Variants in CD207 observed in about 807,000 individuals in gnomAD.
CD207 encodes C-type lectin domain family 4 member K.
Under a neutral mutation model 31.6 loss-of-function variants are expected in CD207, and 28 were observed. That is an observed-to-expected ratio of 0.89 (90% confidence interval 0.66 to 1.21). CD207 has a LOEUF of 1.21. Ranked by LOEUF, CD207 falls within the 50% of genes most tolerant of loss-of-function variation. The pLI, the probability that CD207 is intolerant of heterozygous loss-of-function variation, is 0.00. For missense variants in CD207, 388 were observed against 397.8 expected, an observed-to-expected ratio of 0.98 and a Z score of 0.21; for synonymous variants, 168 against 153.9, an observed-to-expected ratio of 1.09 and a Z score of -0.68.
chr2:70,834,716 C>A (rs1553400661), intron 2 of CD207, among the ~76,000 whole-genome samples: 1 of 152,048 alleles, frequency 6.6e-6, no homozygotes, highest in East Asian at 1.9e-4. Flanking sequence ...GGCCAGGGGT[C>A]TAGGATGGGG....
At chr2:70,832,866 C>A (rs573751884) in intron 4 of CD207, 34 bp downstream of exon 4, 1 of 1,589,282 alleles carries the variant, frequency 6.3e-7, no homozygotes, top group African/African-American at 1.3e-5. Flanking sequence ...TGCTCATACG[C>A]CCCCTTCACA....
downstream of CD207, among the ~76,000 whole-genome samples, chr2:70,829,027 G>A (rs115177551): frequency 4.6e-3 from 698 of 152,262 alleles, 5 homozygotes; most frequent in African/African-American, 0.016. Context: ...CCAATGCCAC[G>A]TGACGGCCCC....
downstream of CD207, among the ~76,000 whole-genome samples, chr2:70,827,927 A>G (rs1677384052): frequency 6.6e-6 from 1 of 152,142 alleles, no homozygotes; most frequent in African/African-American, 2.4e-5. Flanking sequence ...TCAAACACAA[A>G]AGGATAAATT....
At chr2:70,834,203 C>T (rs1553400548) in intron 2 of CD207, among the ~76,000 whole-genome samples, 183 bp from the exon 3 acceptor site, 1 of 152,140 alleles carries the variant, frequency 6.6e-6, no homozygotes, top group Non-Finnish European at 1.5e-5. Flanking sequence ...GCAATGGGCA[C>T]CTACCATGTG....
chr2:70,832,565 CTTAA>C (rs2104701245), intron 4 of CD207, among the ~76,000 whole-genome samples: 1 of 152,358 alleles, frequency 6.6e-6, no homozygotes, highest in South Asian at 2.1e-4. Flanking sequence ...ACTTACTTAA[CTTAA>C]TTAACATAAC....
chr2:70,830,703 TA>T lies in CD207; in HGVS notation c.*346del, dbSNP rs1677444183. 1 of 186,494 alleles carries T rather than the reference TA, an allele frequency of 5.4e-6. No individual in the cohort carries two copies. Among genetic ancestry groups the T allele is most frequent in the Non-Finnish European group, 1.1e-5 (1 of 90,622 alleles). 11.6% of individuals were successfully genotyped at this position (186,494 alleles called of 1,614,324 possible). On this transcript the variant is annotated 3_prime_UTR_variant, in exon 6 of 6. Coordinates refer to ENST00000410009, the MANE Select transcript of CD207 (RefSeq NM_015717.5). ...GGAGAATTGCTTGGTTGCTCTGGAG[TA>T]ACTTTGATGTGATGAAGCTGAGGTT...
At chr2:70,827,461 G>T (rs1553399034), downstream of CD207, among the ~76,000 whole-genome samples, 1 of 152,228 alleles carries the variant, frequency 6.6e-6, no homozygotes, top group Non-Finnish European at 1.5e-5. Flanking sequence ...GCATTGCCCT[G>T]CTGGGGGCTA....
At chr2:70,835,131 T>C (rs146597742) in intron 2 of CD207, among the ~76,000 whole-genome samples, 1,570 of 152,300 alleles carry the variant, frequency 0.01, 8 homozygotes, top group Non-Finnish European at 0.018. Flanking sequence ...TGTCAAGGAC[T>C]GTCCACAAGG....
downstream of CD207, among the ~76,000 whole-genome samples, chr2:70,825,888 G>A (rs532646568): frequency 2.6e-5 from 4 of 152,198 alleles, no homozygotes; most frequent in South Asian, 8.3e-4. Context: ...ACTCACACCT[G>A]TAATCTAAGC....
At chr2:70,828,070 C>T (rs951961610), downstream of CD207, among the ~76,000 whole-genome samples, 3 of 152,214 alleles carry the variant, frequency 2.0e-5, no homozygotes, top group Admixed American at 6.5e-5. Context: ...AAAAAGTTCT[C>T]ACCTGTCCCT....
chr2:70,826,029 T>C (rs1387161163), downstream of CD207, among the ~76,000 whole-genome samples: 3 of 151,884 alleles, frequency 2.0e-5, no homozygotes, highest in African/African-American at 7.3e-5. Flanking sequence ...ACACCTGAGG[T>C]TCCAGGTACT....
rs373734708 is a variant in CD207 at position 70,833,957 on chromosome 2, A to C, written c.254T>G (p.Val85Gly). The C allele has an allele frequency of 4.5e-6, 7 of 1,549,768 alleles. No homozygotes were observed. Among genetic ancestry groups the C allele is most frequent in the Non-Finnish European group, 6.1e-6 (7 of 1,148,990 alleles). Reference sequence around the variant, plus strand: ...AGAATCCAGGGTGCTGATGTTGTCCACACGACCTTTCAGCAACTGGACATT... The same window carrying C: ...AGAATCCAGGGTGCTGATGTTGTCCCCACGACCTTTCAGCAACTGGACATT... ...KTNVQLLKGRVDNISTLDSEI... is the reference protein window; with the variant it reads ...KTNVQLLKGRGDNISTLDSEI... Residue 85 changes from valine to glycine, a missense_variant, in exon 3 of 6, where the codon GTG becomes GGG. Val to Gly is a moderately radical substitution (Grantham distance 109). Coordinates refer to ENST00000410009, the MANE Select transcript of CD207 (RefSeq NM_015717.5).
At position 70,831,692 on chromosome 2, in the gene CD207, G is replaced by A. The variant is rs782459232; in HGVS notation, c.836+9C>T. 6.4e-7 allele frequency: 1 copy of A among 1,567,588 alleles called. No homozygotes were observed. The highest frequency in any genetic ancestry group is 8.8e-7 in the Non-Finnish European group (1 of 1,137,894). On this transcript the variant is annotated intron_variant, in intron 5 of 5. Coordinates refer to ENST00000410009, the MANE Select transcript of CD207 (RefSeq NM_015717.5). ...AGTCAGGCTGGCACGGAGGGCTCCA[G>A]GGGCTTACCTCACACTTTGGACCTT...
rs781827700 is a variant in CD207 at position 70,831,834 on chromosome 2, G to A, written c.718-15C>T. 3.3e-6 allele frequency: 5 copies of A among 1,528,716 alleles called. No homozygotes were observed. 94.7% of individuals were successfully genotyped at this position (1,528,716 alleles called of 1,614,324 possible). A position where few individuals can be genotyped will look rare whatever the true frequency, so the allele number is the denominator to read the frequency against. On this transcript the variant is annotated splice_polypyrimidine_tract_variant and intron_variant, in intron 4 of 5. Coordinates refer to ENST00000410009, the MANE Select transcript of CD207 (RefSeq NM_015717.5). Reference sequence around the variant, plus strand: ...TACAGAAACTCCTGTAGGAAAGACAGGATAAGCAGAGGTGCGGCCACACTT... The same window carrying A: ...TACAGAAACTCCTGTAGGAAAGACAAGATAAGCAGAGGTGCGGCCACACTT...
downstream of CD207, among the ~76,000 whole-genome samples, chr2:70,826,831 G>T (rs1425185417): frequency 6.6e-6 from 1 of 152,244 alleles, no homozygotes; most frequent in Non-Finnish European, 1.5e-5. Context: ...TCTATTGCAT[G>T]TCTGTAGATC....
downstream of CD207, among the ~76,000 whole-genome samples, chr2:70,826,542 A>AT (rs528756075): frequency 2.6e-5 from 4 of 151,750 alleles, no homozygotes; most frequent in Non-Finnish European, 4.4e-5. Context: ...CACCCAGCTA[A>AT]TTTTTTTTGT....
chr2:70,835,761 C>T lies in CD207; in HGVS notation c.16G>A (p.Glu6Lys). Residue 6 changes from glutamate (E) to lysine (K), a missense_variant, in exon 1 of 6, where the codon GAG becomes AAG. By Grantham distance (56) the Glu-to-Lys change is moderately conservative. Transcript: ENST00000410009. MTVEK[E>K]APDAHFTVDK... ...ACAGTGAAGTGCGCATCAGGGGCCT[C>T]CTTCTCCACAGTCATCCTGAGTGCT... The T allele has an allele frequency of 6.2e-7, 1 of 1,612,368 alleles. No individual in the cohort carries two copies. The highest frequency in any genetic ancestry group is 1.1e-5 in the South Asian group (1 of 90,564).
At chr2:70,824,452 A>T in the CD207 span, among the ~76,000 whole-genome samples, 90,983 of 150,880 alleles carry the variant, frequency 0.6, 27,919 homozygotes, top group Middle Eastern at 0.7. Context: ...AATGATGTTC[A>T]AATAGCAACA....
downstream of CD207, among the ~76,000 whole-genome samples, chr2:70,827,986 G>T (rs1384814479): frequency 6.6e-6 from 1 of 151,904 alleles, no homozygotes; most frequent in African/African-American, 2.4e-5. Context: ...GTCAAGCATT[G>T]TTAGCCTGCC....
Sources: allele counts gnomAD v4.1 joint callset (sites outside exome capture counted in the v4.1 genomes callset), GRCh38; gene constraint gnomAD v4.1.1; transcripts MANE v1.5; gene names NCBI Gene and HGNC (gene_info 2026-07-23, HGNC 2026-07-21).